ZNRF3: variants seen among roughly 807,000 people sequenced by gnomAD.
The protein encoded by ZNRF3 is E3 ubiquitin-protein ligase ZNRF3.
ZNRF3 carries 23 observed loss-of-function variants against 72.5 expected under a neutral mutation model. That is an observed-to-expected ratio of 0.32 (90% CI 0.23 to 0.45). The LOEUF (loss-of-function observed/expected upper bound fraction) is 0.45. Ranked by LOEUF, ZNRF3 falls within the 20% of genes least tolerant of loss-of-function variation. The probability of loss-of-function intolerance (pLI) is 1.00; values close to 1 mark genes in which losing one functional copy is unlikely to be tolerated. For synonymous variants in ZNRF3, 610 were observed against 545.3 expected (o/e 1.12, Z -1.65); for missense variants, 1,169 against 1,272.1 (o/e 0.92, Z 1.23).
At chr22:29,008,799 C>G (rs1329925146) in intron 2 of ZNRF3, among the ~76,000 whole-genome samples, 1 of 152,216 alleles carries the variant, frequency 6.6e-6, no homozygotes, top group Non-Finnish European at 1.5e-5. Flanking sequence ...TCTCGTACCA[C>G]TCGCAATTGA....
chr22:29,016,047 G>C (rs987903770), intron 2 of ZNRF3, among the ~76,000 whole-genome samples: 2 of 151,236 alleles, frequency 1.3e-5, no homozygotes, highest in African/African-American at 4.9e-5. Flanking sequence ...ACTGAAACTG[G>C]CTTGGCTGAT....
chr22:28,900,318 G>T (rs2034079678), intron 1 of ZNRF3, among the ~76,000 whole-genome samples: 1 of 152,206 alleles, frequency 6.6e-6, no homozygotes, highest in African/African-American at 2.4e-5. Context: ...ATGTTAGGGT[G>T]CCCTGCTCAC....
intron 2 of ZNRF3, among the ~76,000 whole-genome samples, chr22:29,032,863 C>T (rs1366159316): frequency 6.6e-6 from 1 of 152,200 alleles, no homozygotes; most frequent in Admixed American, 6.5e-5. Flanking sequence ...AGTGTGATGT[C>T]ATAAGTGCCA....
intron 1 of ZNRF3, among the ~76,000 whole-genome samples, chr22:28,906,100 G>GA (rs747759039): frequency 1.3e-4 from 20 of 152,236 alleles, no homozygotes; most frequent in Non-Finnish European, 2.4e-4. Flanking sequence ...TGAGGCAAGT[G>GA]AATTGCTTGA....
chr22:29,039,420 G>A (rs752642295), intron 2 of ZNRF3, among the ~76,000 whole-genome samples: 9 of 152,124 alleles, frequency 5.9e-5, no homozygotes, highest in Non-Finnish European at 1.3e-4. Flanking sequence ...TTCCCCGAGG[G>A]TGCTGTTTGA....
chr22:28,986,617 G>A, intron 1 of ZNRF3: 1 of 985,424 alleles, frequency 1.0e-6, no homozygotes, highest in South Asian at 4.7e-5. Context: ...TAGAGTCCGG[G>A]ATGTGTTTCC....
chr22:28,973,208 G>A (rs2123815136), intron 1 of ZNRF3, among the ~76,000 whole-genome samples: 1 of 152,242 alleles, frequency 6.6e-6, no homozygotes, highest in East Asian at 1.9e-4. Flanking sequence ...TCAAACTCCT[G>A]AGCTCAAATA....
At chr22:29,043,114 C>A (rs981681369) in intron 3 of ZNRF3, among the ~76,000 whole-genome samples, 185 bp from the exon 4 acceptor site, 1 of 152,086 alleles carries the variant, frequency 6.6e-6, no homozygotes, top group Admixed American at 6.5e-5. Context: ...TTCTGCTTGC[C>A]CAGTCCATCC....
intron 1 of ZNRF3, among the ~76,000 whole-genome samples, chr22:28,968,345 T>C (rs1374052695): frequency 6.6e-6 from 1 of 152,256 alleles, no homozygotes; most frequent in African/African-American, 2.4e-5. Context: ...TTGTGTTTTA[T>C]ATTTCCTTAT....
intron 1 of ZNRF3, among the ~76,000 whole-genome samples, chr22:28,969,974 A>G (rs1227934520): frequency 1.3e-5 from 2 of 152,208 alleles, no homozygotes; most frequent in Non-Finnish European, 2.9e-5. Flanking sequence ...AAAGGAAGCA[A>G]GGATGACTCC....
intron 2 of ZNRF3, chr22:29,026,491 G>A (rs1394464325): frequency 6.6e-6 from 1 of 152,176 alleles, no homozygotes; most frequent in Non-Finnish European, 1.5e-5. Context: ...TCTTAAACCT[G>A]AAAATGGTGT....
chr22:29,051,092 C>T, intron 8 of ZNRF3, 144 bp downstream of exon 8: 1 of 954,702 alleles, frequency 1.0e-6, no homozygotes, highest in Non-Finnish European at 1.5e-6. Flanking sequence ...AAGGGTTACT[C>T]CTCAGCCTGG....
At chr22:28,998,254 G>T (rs777899943) in intron 2 of ZNRF3, among the ~76,000 whole-genome samples, 2 of 151,700 alleles carry the variant, frequency 1.3e-5, no homozygotes, top group African/African-American at 4.8e-5. Flanking sequence ...AGCCAAGATC[G>T]CACCACTGCA....
At chr22:29,016,526 C>A (rs1601668348) in intron 2 of ZNRF3, among the ~76,000 whole-genome samples, 1 of 152,202 alleles carries the variant, frequency 6.6e-6, no homozygotes, top group East Asian at 1.9e-4. Flanking sequence ...ATTTAAGGAC[C>A]CAATGGGACT....
chr22:28,893,204 G>A (rs769570884), intron 1 of ZNRF3, among the ~76,000 whole-genome samples: 1 of 151,908 alleles, frequency 6.6e-6, no homozygotes, highest in Admixed American at 6.6e-5. Flanking sequence ...ATTAAGAGTG[G>A]GGTAGTACTC....
intron 2 of ZNRF3, among the ~76,000 whole-genome samples, chr22:29,005,033 TTG>T (rs1296032987): frequency 6.6e-6 from 1 of 152,160 alleles, no homozygotes; most frequent in African/African-American, 2.4e-5. Context: ...TTTCAGACCT[TTG>T]TGTGTGTTTT....
intron 8 of ZNRF3, 42 bp from the exon 9 acceptor site, chr22:29,053,537 T>G: frequency 6.2e-7 from 1 of 1,606,490 alleles, no homozygotes; most frequent in Non-Finnish European, 8.5e-7. Context: ...CCATGTGTGG[T>G]GCCAGCTCCC....
At chr22:29,008,439 C>T (rs1178906287) in intron 2 of ZNRF3, among the ~76,000 whole-genome samples, 1 of 152,218 alleles carries the variant, frequency 6.6e-6, no homozygotes, top group African/African-American at 2.4e-5. Flanking sequence ...TTAATGGTGG[C>T]ATGATTTACT....
At position 29,050,448 on chromosome 22, in the gene ZNRF3, A is replaced by G. The variant is rs769047402; in HGVS notation, c.2267A>G (p.Gln756Arg). 1 of 1,611,296 alleles carries G rather than the reference A, an allele frequency of 6.2e-7. No homozygotes were observed. The highest frequency in any genetic ancestry group is 1.7e-5 in the Admixed American group (1 of 59,976). Reference sequence around the variant, plus strand: ...GGGGAGCCCCAGTCAGGAAGCTCCCAGGGCTTGTACGGCCTTCACCCCGAC... The same window carrying G: ...GGGGAGCCCCAGTCAGGAAGCTCCCGGGGCTTGTACGGCCTTCACCCCGAC... ...AGGEPQSGSS[Q>R]GLYGLHPDHL... The change falls in exon 8 of 9, where the codon CAG (glutamine) becomes CGG (arginine). Residue 756 changes from glutamine (Q) to arginine (R), a missense_variant. This residue lies in a region of ZNRF3 where 783 missense variants were observed against 731.4 expected (regional missense o/e 1.07). Coordinates refer to ENST00000544604, the MANE Select transcript of ZNRF3 (RefSeq NM_001206998.2).
Sources: allele counts gnomAD v4.1 joint callset (sites outside exome capture counted in the v4.1 genomes callset), GRCh38; gene constraint gnomAD v4.1.1; regional missense constraint gnomAD v4.1.1; transcripts MANE v1.5; gene names NCBI Gene and HGNC (gene_info 2026-07-23, HGNC 2026-07-21).